ALPK3: variants seen among roughly 807,000 people sequenced by gnomAD.
ALPK3 encodes alpha kinase 3, also known as alpha-protein kinase 3.
In ALPK3, 102 loss-of-function variants were observed where a neutral mutation model predicts 140.0. The observed-to-expected ratio is 0.73, with a 90% CI of 0.62 to 0.86. ALPK3 has a LOEUF of 0.86. Ranked by LOEUF, ALPK3 falls within the 40% of genes least tolerant of loss-of-function variation. The pLI, the probability that ALPK3 is intolerant of heterozygous loss-of-function variation, is 0.00. For missense variants in ALPK3, 2,254 were observed against 2,208.2 expected (o/e 1.02, Z -0.42); for synonymous variants, 938 against 898.5 (o/e 1.04, Z -0.79).
chr15:84,840,533 G>A lies in ALPK3; in HGVS notation c.1254G>A (p.Met418Ile), dbSNP rs754539409. ...GQEVYFSLKD[M>I]YLENTQAVRP... is the part of the protein sequence containing the mutation. ...AAGTGTATTTCTCCTTGAAGGACAT[G>A]TACCTGGAGAACACCCAGGCAGTCA... Residue 418 changes from methionine (M) to isoleucine (I), a missense_variant, in exon 5 of 14, where the codon ATG (methionine) becomes ATA (isoleucine). Met to Ile is a conservative substitution (Grantham distance 10, BLOSUM62 1). Transcript: ENST00000258888. The A allele has an allele frequency of 1.4e-5, 22 of 1,606,548 alleles. No individual in the cohort carries two copies. Among genetic ancestry groups the A allele is most frequent in the Non-Finnish European group, 1.9e-5 (22 of 1,177,142 alleles).
At position 84,853,099 on chromosome 15, in the gene ALPK3, T is replaced by G. The variant is rs563658778; in HGVS notation, c.1654-3293T>G. On this transcript the variant is annotated intron_variant, in intron 5 of 13. Coordinates refer to ENST00000258888, the MANE Select transcript of ALPK3 (RefSeq NM_020778.5). ...GGTAGCTTTAATCAAGAAGTTCTAG[T>G]TCCGTGAGTCTTGTGAACAGCAACA... Among the ~76,000 whole-genome samples the G allele has an allele frequency of 2.0e-5, 3 of 152,328 alleles. No homozygotes were observed. In the South Asian group the frequency reaches 6.2e-4, roughly 32 times the overall value.
intron 5 of ALPK3, among the ~76,000 whole-genome samples, chr15:84,855,628 C>T (rs921648932): frequency 6.6e-6 from 1 of 152,126 alleles, no homozygotes; most frequent in South Asian, 2.1e-4. Flanking sequence ...CACCCGGCTG[C>T]GAATCTGAAC....
In ALPK3 at chr15:84,859,368, C is replaced by T; in HGVS notation, c.3943C>T (p.Pro1315Ser). Residue 1315 changes from proline to serine, a missense_variant, in exon 7 of 14, where the codon CCA becomes TCA. This residue lies in a region of ALPK3 where 2,088 missense variants were observed against 2,022.9 expected (regional missense o/e 1.03). Transcript: ENST00000258888. Reference sequence around the variant, plus strand: ...CTTGACATGGGCCAAGGATCAGCGCCCAGTGGGCGAGGTGGGCAGGAGGTA... The same window carrying T: ...CTTGACATGGGCCAAGGATCAGCGCTCAGTGGGCGAGGTGGGCAGGAGGTA... Reference protein sequence around the residue: ...SVLTWAKDQRPVGEVGRSAGD... With the variant: ...SVLTWAKDQRSVGEVGRSAGD... 6.2e-7 allele frequency: 1 copy of T among 1,614,134 alleles called. No individual in the cohort carries two copies. The highest frequency in any genetic ancestry group is 8.5e-7 in the Non-Finnish European group (1 of 1,180,006).
chr15:84,838,543 G>T (rs1265993368), intron 3 of ALPK3, among the ~76,000 whole-genome samples: 1 of 151,854 alleles, frequency 6.6e-6, no homozygotes, highest in African/African-American at 2.4e-5. Context: ...GGGGCAGGTG[G>T]TCCTGTCCAG....
At chr15:84,859,121 A>G in intron 6 of ALPK3, 122 bp from the exon 7 acceptor site, 1 of 1,334,698 alleles carries the variant, frequency 7.5e-7, no homozygotes, top group Non-Finnish European at 1.0e-6. Flanking sequence ...TGTGAGTGGT[A>G]GGTCTGTGTG....
At chr15:84,838,680 C>A (rs1275506558) in intron 3 of ALPK3, among the ~76,000 whole-genome samples, 1 of 150,686 alleles carries the variant, frequency 6.6e-6, no homozygotes, top group African/African-American at 2.4e-5. Flanking sequence ...AGTGCAGTGG[C>A]AAGATCTTGG....
intron 5 of ALPK3, among the ~76,000 whole-genome samples, chr15:84,847,408 C>T (rs748317431): frequency 3.3e-5 from 5 of 151,988 alleles, no homozygotes; most frequent in Non-Finnish European, 5.9e-5. Context: ...CAAAATTTGG[C>T]AAAAGTCAAG....
chr15:84,842,815 C>T (rs1373732492), intron 5 of ALPK3, among the ~76,000 whole-genome samples: 2 of 152,166 alleles, frequency 1.3e-5, no homozygotes, highest in African/African-American at 2.4e-5. Context: ...TGCCTGGTCT[C>T]CTGTAGTTTT....
In ALPK3 at chr15:84,840,485, C is replaced by G. The variant is rs773497563; in HGVS notation, c.1206C>G (p.Ala402=). The change falls in exon 5 of 14, where the codon GCC becomes GCG. Residue 402 remains alanine, a synonymous_variant. Transcript: ENST00000258888. ...GCACTCCAGACAAGGCCCAGAAGGC[C>G]CCTGGCCCAGGCCCAGGCCAGGAAG... ...AVGTPDKAQK[A]PGPGPGQEVY... is the part of the protein sequence containing the mutation. The G allele has an allele frequency of 6.2e-7, 1 of 1,613,564 alleles. No individual in the cohort carries two copies.
chr15:84,850,879 TACAC>T lies in ALPK3; in HGVS notation c.1654-5480_1654-5477del, dbSNP rs4040516. Among the ~76,000 whole-genome samples, 1,143 of 142,448 alleles carry T rather than the reference TACAC, an allele frequency of 8.0e-3. 15 individuals are homozygous for T. Among genetic ancestry groups the T allele is most frequent in the African/African-American group, 0.024 (903 of 37,134 alleles). The allele number at this position is 142,448 out of a possible 152,430, so 93.5% of individuals were successfully genotyped here. A position where few individuals can be genotyped will look rare whatever the true frequency, so the allele number is the denominator to read the frequency against. ...TCATATCTTTACACAGTTCCAGATA[TACAC>T]ACACACACACACACACACACACACA... On this transcript the variant is annotated intron_variant, in intron 5 of 13. Coordinates refer to ENST00000258888, the MANE Select transcript of ALPK3 (RefSeq NM_020778.5).
chr15:84,867,267 CT>C lies in ALPK3; in HGVS notation c.4724-48del, dbSNP rs753349708. 4.5e-6 allele frequency: 7 copies of C among 1,547,050 alleles called. No individual in the cohort carries two copies. The Admixed American group carries it at 1.2e-4, about 27-fold the overall frequency. On this transcript the variant is annotated intron_variant, in intron 12 of 13. Transcript: ENST00000258888. The stretch of plus-strand genomic sequence containing the variant: ...TATCTTCCTGCTGGAGATGTGGGGG[CT>C]TAGAGCCAGCCCAGACTGGCATCAA...
intron 13 of ALPK3, among the ~76,000 whole-genome samples, chr15:84,867,687 G>A (rs1320414916): frequency 6.6e-6 from 1 of 152,148 alleles, no homozygotes; most frequent in Non-Finnish European, 1.5e-5. Flanking sequence ...CCTCGAGTCT[G>A]CTCCAATTTA....
Position 84,864,526 on chromosome 15 carries a change from G to T in ALPK3, c.4584G>T (p.Glu1528Asp). The T allele has an allele frequency of 6.2e-7, 1 of 1,614,242 alleles. No individual in the cohort carries two copies. Among genetic ancestry groups the T allele is most frequent in the Non-Finnish European group, 8.5e-7 (1 of 1,180,044 alleles). Residue 1528 changes from glutamate to aspartate, a missense_variant, in exon 12 of 14, where the codon GAG (glutamate) becomes GAT (aspartate). Glu to Asp is a conservative substitution (Grantham distance 45, BLOSUM62 2). Coordinates refer to ENST00000258888, the MANE Select transcript of ALPK3 (RefSeq NM_020778.5). Reference protein sequence around the residue: ...TLEEDLGKPLESYCSREWGCA... With the variant: ...TLEEDLGKPLDSYCSREWGCA... ...AGGAAGACCTGGGCAAGCCCCTGGA[G>T]TCTTACTGTTCTCGGGAATGGGGCT...
chr15:84,860,076 T>C lies in ALPK3; in HGVS notation c.4129+4T>C, dbSNP rs763049619. ...ATCTCCAGAGAAGAAGGTGAAGGTA[T>C]GGTTCCCCCCTGGGGAAGGCGGGGT... On this transcript the variant is annotated splice_donor_region_variant and intron_variant, in intron 9 of 13. Coordinates refer to ENST00000258888, the MANE Select transcript of ALPK3 (RefSeq NM_020778.5). 14 of 1,614,028 alleles carry C rather than the reference T, an allele frequency of 8.7e-6. No individual in the cohort carries two copies. The Admixed American group carries it at 2.3e-4, about 27-fold the overall frequency.
intron 1 of ALPK3, among the ~76,000 whole-genome samples, chr15:84,822,205 A>T (rs954033281): frequency 1.3e-5 from 2 of 152,094 alleles, no homozygotes; most frequent in South Asian, 4.1e-4. Flanking sequence ...AGGAAGGGAG[A>T]AACAAGGGCC....
chr15:84,823,969 A>G (rs552820747), intron 2 of ALPK3, among the ~76,000 whole-genome samples: 1 of 152,188 alleles, frequency 6.6e-6, no homozygotes, highest in Admixed American at 6.5e-5. Context: ...TTGGCTTCCT[A>G]AAGTGCTGGG....
chr15:84,866,474 T>C (rs1964004599), intron 12 of ALPK3, among the ~76,000 whole-genome samples: 2 of 152,204 alleles, frequency 1.3e-5, no homozygotes, highest in African/African-American at 4.8e-5. Flanking sequence ...TGTTATTGTC[T>C]ATCATATGAT....
chr15:84,840,185 G>A lies in ALPK3; in HGVS notation c.906G>A (p.Leu302=). 6.2e-7 allele frequency: 1 copy of A among 1,613,868 alleles called. No individual in the cohort carries two copies. Among genetic ancestry groups the A allele is most frequent in the Non-Finnish European group, 8.5e-7 (1 of 1,179,960 alleles). Residue 302 remains leucine (L), a synonymous_variant, in exon 5 of 14, where the codon CTG becomes CTA. Coordinates refer to ENST00000258888, the MANE Select transcript of ALPK3 (RefSeq NM_020778.5). ...CATACATCTGTGACGCCATGGAGCT[G>A]GGGCCTCAGAGAGCCCTCAAAGAGG... The part of the protein sequence containing the change: ...LLTYICDAME[L]GPQRALKEES...
chr15:84,839,118 T>G (rs1481424385), intron 4 of ALPK3, 21 bp downstream of exon 4: 1 of 1,585,544 alleles, frequency 6.3e-7, no homozygotes, highest in Admixed American at 1.8e-5. Flanking sequence ...AGGGCCTGTT[T>G]TGCTCTCTCT....
Sources: gnomAD v4.1 joint callset for allele counts (sites outside exome capture counted in the v4.1 genomes callset) on GRCh38, gnomAD v4.1.1 for gene constraint, gnomAD v4.1.1 regional missense constraint, MANE v1.5 for transcripts, NCBI Gene and HGNC (gene_info 2026-07-23, HGNC 2026-07-21) for gene names.